The following CNTNAP2 variants were observed in gnomAD, a reference collection of about 807,000 sequenced individuals.
The protein encoded by CNTNAP2 is contactin-associated protein-like 2.
Under a neutral mutation model 155.2 loss-of-function variants are expected in CNTNAP2, and 98 were observed. The ratio of observed to expected loss-of-function variants is 0.63; its 90% CI spans 0.54 to 0.75. The LOEUF (loss-of-function observed/expected upper bound fraction) is 0.75, where lower values mean the gene tolerates loss of function less well. CNTNAP2 is among the 30% of genes least tolerant of loss of function. The pLI, the probability that CNTNAP2 is intolerant of heterozygous loss-of-function variation, is 0.00. For missense variants in CNTNAP2, 1,727 were observed against 1,688.1 expected (o/e 1.02, Z -0.40); for synonymous variants, 651 against 631.2 (o/e 1.03, Z -0.47).
At chr7:147,416,132 C>T (rs958863247) in intron 10 of CNTNAP2, among the ~76,000 whole-genome samples, 1 of 152,210 alleles carries the variant, frequency 6.6e-6, no homozygotes, top group Non-Finnish European at 1.5e-5. Context: ...GGGTGATTCA[C>T]ACCCTATTTC....
intron 13 of CNTNAP2, among the ~76,000 whole-genome samples, chr7:147,665,045 T>C (rs1016449952): frequency 5.9e-5 from 9 of 152,170 alleles, no homozygotes; most frequent in African/African-American, 2.2e-4. Context: ...CAAAGTTTGA[T>C]TGCTTTTCAC....
intron 2 of CNTNAP2, among the ~76,000 whole-genome samples, chr7:146,800,598 G>C (rs1178768199): frequency 6.6e-6 from 1 of 152,136 alleles, no homozygotes; most frequent in Non-Finnish European, 1.5e-5. Flanking sequence ...GTGTCCTCAG[G>C]CACAGAGACA....
chr7:148,271,901 C>T (rs142135196), intron 21 of CNTNAP2, among the ~76,000 whole-genome samples: 2 of 152,100 alleles, frequency 1.3e-5, no homozygotes, highest in African/African-American at 4.8e-5. Context: ...GTTTTGAAAC[C>T]CCCTGGAGTT....
intron 1 of CNTNAP2, among the ~76,000 whole-genome samples, chr7:146,367,679 C>T (rs768351425): frequency 2.6e-5 from 4 of 152,046 alleles, no homozygotes; most frequent in Non-Finnish European, 5.9e-5. Flanking sequence ...CTGTATGTAA[C>T]TCAATTGCCT....
At chr7:146,479,263 C>A (rs916547797) in intron 1 of CNTNAP2, among the ~76,000 whole-genome samples, 1 of 152,130 alleles carries the variant, frequency 6.6e-6, no homozygotes, top group Non-Finnish European at 1.5e-5. Context: ...TGGCAACAGA[C>A]GCCCTATAAA....
chr7:146,491,369 T>C (rs1584949351), intron 1 of CNTNAP2, among the ~76,000 whole-genome samples: 1 of 146,616 alleles, frequency 6.8e-6, no homozygotes, highest in African/African-American at 2.6e-5. Flanking sequence ...TTTTTCTTCT[T>C]TTTAACAAAA....
intron 8 of CNTNAP2, among the ~76,000 whole-genome samples, chr7:147,186,098 C>T (rs143168942): frequency 0.016 from 2,462 of 152,132 alleles, 23 homozygotes; most frequent in Non-Finnish European, 0.024. Flanking sequence ...GTTAAAACGA[C>T]ATTTTGAAAG....
intron 10 of CNTNAP2, among the ~76,000 whole-genome samples, chr7:147,425,368 C>T (rs1341632769): frequency 1.3e-5 from 2 of 152,032 alleles, no homozygotes; most frequent in Non-Finnish European, 2.9e-5. Context: ...TGGTGCTTTA[C>T]TTACAGCCTC....
At position 147,696,437 on chromosome 7, in the gene CNTNAP2, G is replaced by A. The variant is rs149970961; in HGVS notation, c.2098+57131G>A. On this transcript the variant is annotated intron_variant, in intron 13 of 23. Transcript: ENST00000361727. ...ATCTGCTTTCAAATAACTGTCACAG[G>A]TAGTGCAAATACTTTATAATAACAA... Among the ~76,000 whole-genome samples, 1,196 of 152,174 alleles carry A rather than the reference G, an allele frequency of 7.9e-3. 13 individuals are homozygous for A. The highest frequency in any genetic ancestry group is 0.027 in the African/African-American group (1,116 of 41,522).
chr7:147,500,885 A>G (rs1026990291), intron 11 of CNTNAP2, among the ~76,000 whole-genome samples: 26 of 152,176 alleles, frequency 1.7e-4, no homozygotes, highest in African/African-American at 6.0e-4. Flanking sequence ...AACTCATTTT[A>G]TGAGTCCAGC....
At chr7:146,669,007 T>C (rs1232446397) in intron 1 of CNTNAP2, among the ~76,000 whole-genome samples, 2 of 152,182 alleles carry the variant, frequency 1.3e-5, no homozygotes, top group Non-Finnish European at 2.9e-5. Context: ...TACCTGAAAG[T>C]ATATTTTTCT....
At chr7:147,860,589 C>CAAAAAAAAAAAAAAAAAAAAA (rs11342244) in intron 13 of CNTNAP2, among the ~76,000 whole-genome samples, 1 of 124,440 alleles carries the variant, frequency 8.0e-6, no homozygotes, top group African/African-American at 3.0e-5. Flanking sequence ...GACTCTGTCT[C>CAAAAAAAAAAAAAAAAAAAAA]AAAAAAAAAA....
At chr7:147,665,070 T>G (rs1321682151) in intron 13 of CNTNAP2, among the ~76,000 whole-genome samples, 1 of 152,220 alleles carries the variant, frequency 6.6e-6, no homozygotes, top group Non-Finnish European at 1.5e-5. Context: ...TAGATGCCAC[T>G]GCATAACCAA....
At chr7:147,047,027 G>A (rs1269156539) in intron 4 of CNTNAP2, among the ~76,000 whole-genome samples, 7 of 122,750 alleles carry the variant, frequency 5.7e-5, no homozygotes, top group East Asian at 4.7e-4. Context: ...GCCAGACTCC[G>A]TGTCAAAAAA....
intron 13 of CNTNAP2, among the ~76,000 whole-genome samples, chr7:147,881,619 T>A (rs1799521487): frequency 6.6e-6 from 1 of 152,090 alleles, no homozygotes; most frequent in South Asian, 2.1e-4. Context: ...AAAATGCACC[T>A]CTCTTTGCTA....
At chr7:147,430,076 G>A (rs1797440781) in intron 10 of CNTNAP2, among the ~76,000 whole-genome samples, 1 of 152,028 alleles carries the variant, frequency 6.6e-6, no homozygotes. Context: ...TTTTAGGATT[G>A]TTTGACTTAG....
intron 1 of CNTNAP2, among the ~76,000 whole-genome samples, chr7:146,527,410 A>G (rs1170478512): frequency 6.6e-6 from 1 of 152,134 alleles, no homozygotes; most frequent in Non-Finnish European, 1.5e-5. Context: ...TTGAGAATGC[A>G]AAGGAAAGCA....
chr7:146,354,605 G>C (rs373039895), intron 1 of CNTNAP2, among the ~76,000 whole-genome samples: 5 of 151,938 alleles, frequency 3.3e-5, no homozygotes, highest in African/African-American at 1.2e-4. Context: ...AGTAAAGATG[G>C]GGCTTCACAA....
chr7:146,427,069 T>G (rs1462927340), intron 1 of CNTNAP2, among the ~76,000 whole-genome samples: 3 of 152,162 alleles, frequency 2.0e-5, no homozygotes, highest in African/African-American at 7.2e-5. Context: ...GTTAAGTGCT[T>G]CCACATATTA....
Sources: allele counts gnomAD v4.1 joint callset (sites outside exome capture counted in the v4.1 genomes callset), GRCh38; gene constraint gnomAD v4.1.1; transcripts MANE v1.5; gene names NCBI Gene and HGNC (gene_info 2026-07-23, HGNC 2026-07-21).